HECW1: variants seen among roughly 807,000 people sequenced by gnomAD.
HECW1 encodes E3 ubiquitin-protein ligase HECW1.
A neutral mutation model predicts 182.3 loss-of-function variants in HECW1; 61 were observed. The ratio of observed to expected loss-of-function variants is 0.33; its 90% CI spans 0.27 to 0.41. The LOEUF (loss-of-function observed/expected upper bound fraction) is 0.41. Among genes scored for constraint, HECW1 ranks in the 10% least tolerant of loss-of-function variants. HECW1 has a pLI of 1.00. For synonymous variants in HECW1, 859 were observed against 832.6 expected (o/e 1.03, Z -0.55); for missense variants, 1,739 against 2,108.9 (o/e 0.82, Z 3.44).
At chr7:43,401,566 GGT>G (rs1491453509) in intron 7 of HECW1, among the ~76,000 whole-genome samples, 6 of 70,656 alleles carry the variant, frequency 8.5e-5, no homozygotes, top group Non-Finnish European at 1.8e-4. Flanking sequence ...CATTTAAAAA[GGT>G]TTTTTTTTTT....
At chr7:43,488,452 G>GAAAGA (rs1315554224) in intron 17 of HECW1, among the ~76,000 whole-genome samples, 9 of 143,590 alleles carry the variant, frequency 6.3e-5, no homozygotes, top group African/African-American at 2.4e-4. Context: ...AAGAAAGAAA[G>GAAAGA]AAAGAAAGAA....
intron 3 of HECW1, among the ~76,000 whole-genome samples, chr7:43,276,898 G>A (rs1184809311): frequency 1.3e-5 from 2 of 152,142 alleles, no homozygotes; most frequent in Non-Finnish European, 2.9e-5. Context: ...CTTCACTCAC[G>A]GAGCTTAGAA....
At chr7:43,274,292 G>T in intron 3 of HECW1, 2 of 1,033,966 alleles carry the variant, frequency 1.9e-6, no homozygotes, top group Non-Finnish European at 2.8e-6. Context: ...TCCCGCTTCT[G>T]GTACTTTGTA....
chr7:43,294,976 G>A (rs34610745), intron 3 of HECW1, among the ~76,000 whole-genome samples: 7,294 of 152,094 alleles, frequency 0.048, 236 homozygotes, highest in Non-Finnish European at 0.079. Flanking sequence ...GATTCAGTCC[G>A]GAAAGCAGGA....
intron 28 of HECW1, among the ~76,000 whole-genome samples, chr7:43,553,017 T>C (rs1369495236): frequency 6.6e-6 from 1 of 152,158 alleles, no homozygotes; most frequent in African/African-American, 2.4e-5. Context: ...GAAGGGTGTC[T>C]CATTTCCTAC....
At chr7:43,471,896 A>G (rs960693171) in intron 16 of HECW1, among the ~76,000 whole-genome samples, 4 of 152,134 alleles carry the variant, frequency 2.6e-5, no homozygotes, top group South Asian at 4.1e-4. Flanking sequence ...CAGAAAGTAT[A>G]TTTTTTTCCC....
At chr7:43,351,131 CT>C (rs1814380566) in intron 5 of HECW1, among the ~76,000 whole-genome samples, 2 of 152,192 alleles carry the variant, frequency 1.3e-5, no homozygotes, top group Non-Finnish European at 1.5e-5. Context: ...TGATTGTTGT[CT>C]TTCTTCTGGG....
At chr7:43,420,560 G>T (rs1018109686) in intron 8 of HECW1, among the ~76,000 whole-genome samples, 7 of 152,140 alleles carry the variant, frequency 4.6e-5, no homozygotes, top group African/African-American at 1.7e-4. Flanking sequence ...TAACATTGTT[G>T]TGTCAGTAAA....
rs557696598 is a variant in HECW1 at position 43,225,585 on chromosome 7, C to T, written c.-31-18290C>T. 8.0e-4 allele frequency among the ~76,000 whole-genome samples: 121 copies of T among 152,022 alleles called. 2 individuals carry two copies. The South Asian group carries it at 0.024, about 31-fold the overall frequency. ...TATAGAAAGATTAAACCAGAAAACCCGAGATGCCTATATTAATGTAGGTAA... is the reference window on the plus strand; with the variant it reads ...TATAGAAAGATTAAACCAGAAAACCTGAGATGCCTATATTAATGTAGGTAA... On this transcript the variant is annotated intron_variant, in intron 2 of 29. Transcript: ENST00000395891.
chr7:43,193,035 A>G (rs1794080699), intron 2 of HECW1, among the ~76,000 whole-genome samples: 3 of 152,234 alleles, frequency 2.0e-5, no homozygotes, highest in Admixed American at 2.0e-4. Flanking sequence ...TGACCTTTCC[A>G]GGAAAGGGAA....
intron 12 of HECW1, among the ~76,000 whole-genome samples, chr7:43,456,000 CAAAAAGAAAAAA>C (rs1426602682): frequency 1.3e-5 from 2 of 149,020 alleles, no homozygotes; most frequent in African/African-American, 5.0e-5. Context: ...GACTCTGTCT[CAAAAAGAAAAAA>C]AAAAAGAAAG....
rs764159115 is a variant in HECW1, at chr7:43,444,841, C to T, written c.1669C>T (p.Arg557Trp). The T allele has an allele frequency of 1.9e-6, 3 of 1,613,630 alleles. No individual in the cohort carries two copies. Among genetic ancestry groups the T allele is most frequent in the African/African-American group, 1.3e-5 (1 of 75,054 alleles). ...AGCCTGCGGGGACCCCGAGACCCCGCGGACACACTACATCCGCATCCACAC... is the reference window on the plus strand; with the variant it reads ...AGCCTGCGGGGACCCCGAGACCCCGTGGACACACTACATCCGCATCCACAC... ...ASACGDPETP[R>W]THYIRIHTLL... Residue 557 changes from arginine to tryptophan, a missense_variant, in exon 11 of 30, where the codon CGG (arginine) becomes TGG (tryptophan). Physicochemically the swap from Arg to Trp is moderately radical, Grantham distance 101. Transcript: ENST00000395891. The surrounding 1 kb of genome is among the most constrained non-coding windows in gnomAD (Gnocchi z 4.3).
At chr7:43,524,165 G>T (rs974177527) in intron 24 of HECW1, among the ~76,000 whole-genome samples, 1 of 152,112 alleles carries the variant, frequency 6.6e-6, no homozygotes, top group Non-Finnish European at 1.5e-5. Context: ...GATACCAATG[G>T]AAGGGTCACC....
intron 5 of HECW1, among the ~76,000 whole-genome samples, chr7:43,336,459 C>T (rs943310988): frequency 1.3e-5 from 2 of 152,108 alleles, no homozygotes; most frequent in Non-Finnish European, 2.9e-5. Context: ...TGAGCCACCA[C>T]TCCCAGCCAA....
intron 6 of HECW1, among the ~76,000 whole-genome samples, chr7:43,382,970 C>T (rs979850917): frequency 2.6e-5 from 4 of 152,148 alleles, no homozygotes; most frequent in Admixed American, 6.5e-5. Flanking sequence ...TGTGATGTTC[C>T]CTTCCCTGTG....
intron 16 of HECW1, among the ~76,000 whole-genome samples, chr7:43,475,199 T>A (rs1183684485): frequency 6.6e-6 from 1 of 152,220 alleles, no homozygotes; most frequent in Non-Finnish European, 1.5e-5. Context: ...CAACTTTTCA[T>A]GATTATTTTT....
chr7:43,342,990 A>G (rs750023152), intron 5 of HECW1, among the ~76,000 whole-genome samples: 3 of 151,524 alleles, frequency 2.0e-5, no homozygotes, highest in Non-Finnish European at 4.4e-5. Flanking sequence ...GCACCACTGC[A>G]CTCCAGCGTG....
chr7:43,387,071 T>G (rs146568983), intron 6 of HECW1, among the ~76,000 whole-genome samples: 7 of 152,226 alleles, frequency 4.6e-5, no homozygotes, highest in Admixed American at 2.0e-4. Flanking sequence ...TGAGGCAGCT[T>G]CCAGAACTGT....
At chr7:43,182,113 C>G (rs1400692831) in intron 2 of HECW1, among the ~76,000 whole-genome samples, 1 of 152,160 alleles carries the variant, frequency 6.6e-6, no homozygotes, top group African/African-American at 2.4e-5. Context: ...TCTCTTAACT[C>G]TGTTGATTAT....
Sources: allele counts gnomAD v4.1 joint callset (sites outside exome capture counted in the v4.1 genomes callset), GRCh38; gene constraint gnomAD v4.1.1; non-coding constraint Gnocchi (gnomAD v3.1); transcripts MANE v1.5; gene names NCBI Gene and HGNC (gene_info 2026-07-23, HGNC 2026-07-21).